Variants in HAT1 observed in about 807,000 individuals in gnomAD.
HAT1 encodes histone acetyltransferase type B catalytic subunit.
In HAT1, 20 loss-of-function variants were observed where a neutral mutation model predicts 56.6. The observed-to-expected ratio is 0.35, with a 90% CI of 0.25 to 0.51. HAT1 has a LOEUF of 0.51. Ranked by LOEUF, HAT1 falls within the 20% of genes least tolerant of loss-of-function variation. HAT1 has a pLI of 0.95. For synonymous variants in HAT1, 146 were observed against 165.5 expected, an observed-to-expected ratio of 0.88 and a Z score of 0.91; for missense variants, 408 against 504.3, an observed-to-expected ratio of 0.81 and a Z score of 1.83.
chr2:171,955,504 G>C (rs754263901), intron 4 of HAT1, among the ~76,000 whole-genome samples: 46 of 152,076 alleles, frequency 3.0e-4, no homozygotes, highest in Non-Finnish European at 5.7e-4. Flanking sequence ...CCAGCAACTT[G>C]GGGGGCTGAG....
chr2:171,979,349 AT>A lies in HAT1; in HGVS notation c.1080del (p.Ser361AlafsTer13). 1 of 1,513,252 alleles carries A rather than the reference AT, an allele frequency of 6.6e-7. No homozygotes were observed. Among genetic ancestry groups the A allele is most frequent in the Non-Finnish European group, 9.2e-7 (1 of 1,087,890 alleles). The allele number at this position is 1,513,252 out of a possible 1,614,324, so 93.7% of individuals were successfully genotyped here. ...SYRLDIKRRL[I>X]SPYKKKQRDL... ...CAGACTGGATATTAAAAGAAGACTA[AT>A]TAGCCCATATAAGGTAGGACTTTCA... On this transcript the variant is annotated frameshift_variant, in exon 10 of 11. Transcript: ENST00000264108. LOFTEE classifies it high-confidence loss of function.
intron 2 of HAT1, among the ~76,000 whole-genome samples, chr2:171,927,611 CAG>C (rs1257815186): frequency 2.0e-5 from 3 of 152,102 alleles, no homozygotes; most frequent in East Asian, 1.9e-4. Context: ...ATTTTAGAGA[CAG>C]AGTCTCACTC....
intron 2 of HAT1, among the ~76,000 whole-genome samples, chr2:171,926,454 C>G (rs556826796): frequency 6.6e-6 from 1 of 151,864 alleles, no homozygotes; most frequent in Non-Finnish European, 1.5e-5. Context: ...CCACCACGCC[C>G]GGCTAATTTT....
chr2:171,922,608 TA>T, intron 1 of HAT1, 101 bp downstream of exon 1: 1 of 1,031,542 alleles, frequency 9.7e-7, no homozygotes, highest in Non-Finnish European at 1.3e-6. Context: ...TTTCGGGCTG[TA>T]GCCTGGGTTC....
intron 2 of HAT1, among the ~76,000 whole-genome samples, chr2:171,934,255 C>T (rs1238215377): frequency 6.6e-6 from 1 of 152,162 alleles, no homozygotes; most frequent in Non-Finnish European, 1.5e-5. Context: ...TGCCAATGAT[C>T]TATCAGAGAA....
intron 2 of HAT1, 103 bp downstream of exon 2, chr2:171,925,744 A>G (rs544720917): frequency 8.6e-6 from 5 of 583,764 alleles, no homozygotes; most frequent in Admixed American, 6.1e-5. Context: ...GCAGTTATTT[A>G]TGCAAATGTA....
intron 3 of HAT1, among the ~76,000 whole-genome samples, chr2:171,948,718 T>C (rs1185165670): frequency 6.6e-6 from 1 of 152,230 alleles, no homozygotes; most frequent in Non-Finnish European, 1.5e-5. Context: ...CAGACATTTT[T>C]GTAGGGTATA....
chr2:171,972,722 T>A (rs1441313408), intron 8 of HAT1, among the ~76,000 whole-genome samples: 1 of 152,216 alleles, frequency 6.6e-6, no homozygotes, highest in Non-Finnish European at 1.5e-5. Context: ...TGGTATCTGC[T>A]CCTATATAGT....
chr2:171,982,603 A>G (rs1210141278), intron 10 of HAT1, among the ~76,000 whole-genome samples: 1 of 152,210 alleles, frequency 6.6e-6, no homozygotes, highest in Non-Finnish European at 1.5e-5. Context: ...ATCCTAAGTC[A>G]AACCAGGAGG....
chr2:171,963,520 C>T (rs1466119903), intron 4 of HAT1, among the ~76,000 whole-genome samples: 2 of 152,064 alleles, frequency 1.3e-5, no homozygotes, highest in African/African-American at 4.8e-5. Flanking sequence ...GAAGACAGGA[C>T]ATAAGGAAAG....
At chr2:171,953,104 G>C (rs1398349773) in intron 4 of HAT1, 103 bp downstream of exon 4, 1 of 565,540 alleles carries the variant, frequency 1.8e-6, no homozygotes, top group East Asian at 3.4e-5. Flanking sequence ...CAGCAGTTTG[G>C]GGGACCAAGG....
intron 2 of HAT1, among the ~76,000 whole-genome samples, chr2:171,937,069 C>T (rs1686889515): frequency 1.3e-5 from 2 of 152,126 alleles, no homozygotes; most frequent in Admixed American, 1.3e-4. Flanking sequence ...ATCCTTCCAC[C>T]TCAGCCTCCT....
chr2:171,936,541 A>C (rs1408643156), intron 2 of HAT1, among the ~76,000 whole-genome samples: 8 of 152,206 alleles, frequency 5.3e-5, no homozygotes, highest in Non-Finnish European at 1.0e-4. Flanking sequence ...CTACTGTATA[A>C]TACAGGGATG....
In HAT1 at chr2:171,945,602, T is replaced by C. The variant is rs190879883; in HGVS notation, c.113-1106T>C. Among the ~76,000 whole-genome samples, 636 of 151,656 alleles carry C rather than the reference T, an allele frequency of 4.2e-3. 2 individuals are homozygous for C. The highest frequency in any genetic ancestry group is 6.8e-3 in the Non-Finnish European group (460 of 67,886). On this transcript the variant is annotated intron_variant, in intron 2 of 10. Transcript: ENST00000264108. ...TCTACCTCCTGGATTTAAGCGATTC[T>C]CCTGCCTCAGCCCTCTAAGTAGCTG... is the stretch of plus-strand genomic sequence containing the variant.
Position 171,967,604 on chromosome 2 carries a change from G to C in HAT1, c.823+655G>C, listed in dbSNP as rs561468906. Reference sequence around the variant, plus strand: ...ATGGAGTTTCAGATAATATGTTAAAGTGTGATCCACCAAAAAACAAAGTGG... The same window carrying C: ...ATGGAGTTTCAGATAATATGTTAAACTGTGATCCACCAAAAAACAAAGTGG... On this transcript the variant is annotated intron_variant, in intron 8 of 10. Coordinates refer to ENST00000264108, the MANE Select transcript of HAT1 (RefSeq NM_003642.4). Among the ~76,000 whole-genome samples the C allele has an allele frequency of 8.5e-5, 13 of 152,226 alleles. No individual in the cohort carries two copies. In the South Asian group the frequency reaches 2.7e-3, roughly 32 times the overall value.
chr2:171,923,608 C>T (rs1574028501), intron 1 of HAT1: 1 of 152,248 alleles, frequency 6.6e-6, no homozygotes, highest in East Asian at 1.9e-4. Context: ...ACAGGGCATT[C>T]CTCATAGTCT....
intron 2 of HAT1, among the ~76,000 whole-genome samples, chr2:171,930,815 A>G (rs1331466419): frequency 1.3e-5 from 2 of 151,154 alleles, no homozygotes; most frequent in Admixed American, 1.3e-4. Context: ...GGGCCTCACT[A>G]TATTGCCCAT....
intron 2 of HAT1, 77 bp from the exon 3 acceptor site, chr2:171,946,631 C>T (rs1183760175): frequency 2.4e-6 from 2 of 839,838 alleles, no homozygotes; most frequent in Non-Finnish European, 4.0e-6. Flanking sequence ...TACTGAAACT[C>T]ATGAAATAGG....
At chr2:171,972,327 G>A (rs1574065304) in intron 8 of HAT1, among the ~76,000 whole-genome samples, 1 of 151,404 alleles carries the variant, frequency 6.6e-6, no homozygotes, top group Non-Finnish European at 1.5e-5. Flanking sequence ...GTGCAGTGGA[G>A]TGATAGCTTA....
Sources: allele counts gnomAD v4.1 joint callset (sites outside exome capture counted in the v4.1 genomes callset), GRCh38; gene constraint gnomAD v4.1.1; transcripts MANE v1.5; gene names NCBI Gene and HGNC (gene_info 2026-07-23, HGNC 2026-07-21).